The following LIME1 variants were observed in gnomAD, a reference collection of about 807,000 sequenced individuals.
LIME1 encodes the protein Lck interacting transmembrane adaptor 1.
LIME1 carries 23 observed loss-of-function variants against 18.8 expected under a neutral mutation model. That is an observed-to-expected ratio of 1.22 (90% CI 0.88 to 1.73). LIME1 has a LOEUF of 1.73. Ranked by LOEUF, LIME1 falls within the 40% of genes most tolerant of loss-of-function variation. The pLI is 0.00. For missense variants in LIME1, 423 were observed against 396.8 expected (o/e 1.07, Z -0.56); for synonymous variants, 177 against 182.3 (o/e 0.97, Z 0.23).
chr20:63,737,409 G>T, intron 1 of LIME1, 124 bp from the exon 2 acceptor site: 1 of 1,371,344 alleles, frequency 7.3e-7, no homozygotes. Context: ...GGCTTCCTGT[G>T]CTGAGTCAGA....
In LIME1 at chr20:63,737,851, G is replaced by A. The variant is rs1467627736; in HGVS notation, c.129G>A (p.Arg43=). ...RPEDAVAPRK[R]ARRQRARLQG... The stretch of plus-strand genomic sequence containing the variant: ...AGGACGCTGTAGCCCCCAGGAAGAG[G>A]GCGCGGAGGCAGCGGGCGAGGCTGC... Residue 43 remains arginine (R), a synonymous_variant, in exon 3 of 6, where the codon AGG becomes AGA. Coordinates refer to ENST00000309546, the MANE Select transcript of LIME1 (RefSeq NM_017806.4). 1.3e-6 allele frequency: 2 copies of A among 1,559,018 alleles called. No individual in the cohort carries two copies. The highest frequency in any genetic ancestry group is 1.7e-6 in the Non-Finnish European group (2 of 1,160,368).
At position 63,738,943 on chromosome 20, in the gene LIME1, C is replaced by T. The variant is rs1568809648; in HGVS notation, c.*43C>T. 1.4e-6 allele frequency: 2 copies of T among 1,441,676 alleles called. No individual in the cohort carries two copies. Among genetic ancestry groups the T allele is most frequent in the South Asian group, 2.9e-5 (2 of 68,658 alleles). 89.3% of individuals were successfully genotyped at this position (1,441,676 alleles called of 1,614,324 possible). On this transcript the variant is annotated 3_prime_UTR_variant, in exon 6 of 6. Transcript: ENST00000309546. ...CTCCTTCCTCCAGAGTGAGGCCCGTCCCCCGCCCCGCCCCGCCTCACAGCT... is the reference window on the plus strand; with the variant it reads ...CTCCTTCCTCCAGAGTGAGGCCCGTTCCCCGCCCCGCCCCGCCTCACAGCT...
rs1268311706 is a variant in LIME1 at position 63,738,920 on chromosome 20, C to G, written c.*20C>G. The G allele has an allele frequency of 1.3e-6, 2 of 1,532,682 alleles. No individual in the cohort carries two copies. The highest frequency in any genetic ancestry group is 4.1e-5 in the Admixed American group (2 of 48,486). 94.9% of individuals were successfully genotyped at this position (1,532,682 alleles called of 1,614,324 possible). A position where few individuals can be genotyped will look rare whatever the true frequency, so the allele number is the denominator to read the frequency against. On this transcript the variant is annotated 3_prime_UTR_variant, in exon 6 of 6. Coordinates refer to ENST00000309546, the MANE Select transcript of LIME1 (RefSeq NM_017806.4). ...CCCTGAACACTCAAGGACCTGTGCTCCTTCCTCCAGAGTGAGGCCCGTCCC... is the reference window on the plus strand; with the variant it reads ...CCCTGAACACTCAAGGACCTGTGCTGCTTCCTCCAGAGTGAGGCCCGTCCC...
intron 1 of LIME1, 121 bp from the exon 2 acceptor site, chr20:63,737,411 TG>T: frequency 1.5e-6 from 2 of 1,371,278 alleles, no homozygotes; most frequent in Non-Finnish European, 1.9e-6. Context: ...CTTCCTGTGC[TG>T]AGTCAGAGCT....
rs140119464 is a variant in LIME1, at chr20:63,737,612, C to T, written c.63C>T (p.Leu21=). 54 of 1,603,348 alleles carry T rather than the reference C, an allele frequency of 3.4e-5. No individual in the cohort carries two copies. Among genetic ancestry groups the T allele is most frequent in the Non-Finnish European group, 4.2e-5 (49 of 1,176,328 alleles). ...GGGTTCTAGGGTGCTGCGCCCTGCT[C>T]CTCTCGCTGTGGGCGCTGTGCACAG... The part of the protein sequence containing the change: ...ALWVLGCCAL[L]LSLWALCTAC... Residue 21 remains leucine, a synonymous_variant, in exon 2 of 6, where the codon CTC becomes CTT. Coordinates refer to ENST00000309546, the MANE Select transcript of LIME1 (RefSeq NM_017806.4).
chr20:63,738,319 C>T lies in LIME1; in HGVS notation c.405C>T (p.Thr135=), dbSNP rs1375891393. ...GGGCTCTGCCGGCAGCTGCAGCCAC[C>T]GCAGGGTGCGCTGGCCTCGAGGCCA... ...LPRALPAAAA[T]AGCAGLEATY... Residue 135 remains threonine (T), a synonymous_variant, in exon 5 of 6, where the codon ACC becomes ACT. Coordinates refer to ENST00000309546, the MANE Select transcript of LIME1 (RefSeq NM_017806.4). 16 of 1,561,398 alleles carry T rather than the reference C, an allele frequency of 1.0e-5. No individual in the cohort carries two copies. The highest frequency in any genetic ancestry group is 1.4e-5 in the Non-Finnish European group (16 of 1,156,730).
chr20:63,738,272 T>C lies in LIME1; in HGVS notation c.358T>C (p.Phe120Leu). The C allele has an allele frequency of 1.9e-6, 3 of 1,584,504 alleles. No individual in the cohort carries two copies. Among genetic ancestry groups the C allele is most frequent in the Non-Finnish European group, 2.6e-6 (3 of 1,170,064 alleles). Residue 120 changes from phenylalanine to leucine, a missense_variant, in exon 5 of 6, where the codon TTC becomes CTC. Phe to Leu is a conservative substitution (Grantham distance 22). Transcript: ENST00000309546. Reference protein sequence around the residue: ...ITGPQAAPSAFPHQELPRALP... With the variant: ...ITGPQAAPSALPHQELPRALP... ...CGGACCGCAGGCAGCCCCCTCTGCC[T>C]TCCCACACCAGGAGCTGCCCCGGGC...
chr20:63,738,043 G>T lies in LIME1; in HGVS notation c.251G>T (p.Gly84Val). 6.5e-7 allele frequency: 1 copy of T among 1,550,356 alleles called. No homozygotes were observed. Among genetic ancestry groups the T allele is most frequent in the South Asian group, 1.2e-5 (1 of 85,322 alleles). ...SDTRLHELHR[G>V]PRSSRALRPA... ...ACCAGACTGCACGAGCTGCACCGGG[G>T]CCCGCGCAGCAGCAGGGGTGAGCAG... Residue 84 changes from glycine (G) to valine (V), a missense_variant, in exon 4 of 6, where the codon GGC (glycine) becomes GTC (valine). Physicochemically the swap from Gly to Val is moderately radical, Grantham distance 109. Coordinates refer to ENST00000309546, the MANE Select transcript of LIME1 (RefSeq NM_017806.4).
In LIME1 at chr20:63,737,619, C is replaced by A. The variant is rs778967524; in HGVS notation, c.70C>A (p.Leu24Met). 1.2e-6 allele frequency: 2 copies of A among 1,600,276 alleles called. No individual in the cohort carries two copies. The highest frequency in any genetic ancestry group is 1.7e-6 in the Non-Finnish European group (2 of 1,174,886). ...VLGCCALLLS[L>M]WALCTACRRP... is the part of the protein sequence containing the mutation. ...AGGGTGCTGCGCCCTGCTCCTCTCG[C>A]TGTGGGCGCTGTGCACAGCCTGCCG... Residue 24 changes from leucine to methionine, a missense_variant, in exon 2 of 6, where the codon CTG becomes ATG. Transcript: ENST00000309546.
At chr20:63,735,718 A>G, upstream of LIME1, 1 of 1,552,112 alleles carries the variant, frequency 6.4e-7, no homozygotes, top group Non-Finnish European at 8.7e-7. Flanking sequence ...GGCAGTGGGT[A>G]CGGCAGACTG....
In LIME1 at chr20:63,738,265, C is replaced by A. The variant is rs781055457; in HGVS notation, c.351C>A (p.Pro117=). ...ACATCACCGGACCGCAGGCAGCCCCCTCTGCCTTCCCACACCAGGAGCTGC... is the reference window on the plus strand; with the variant it reads ...ACATCACCGGACCGCAGGCAGCCCCATCTGCCTTCCCACACCAGGAGCTGC... The part of the protein sequence containing the change: ...SRDITGPQAA[P]SAFPHQELPR... Residue 117 remains proline (P), a synonymous_variant, in exon 5 of 6, where the codon CCC becomes CCA. Coordinates refer to ENST00000309546, the MANE Select transcript of LIME1 (RefSeq NM_017806.4). 2.5e-6 allele frequency: 4 copies of A among 1,586,384 alleles called. 1 individual carries two copies.
chr20:63,735,769 G>C, upstream of LIME1: 1 of 1,587,780 alleles, frequency 6.3e-7, no homozygotes, highest in Non-Finnish European at 8.6e-7. Flanking sequence ...TGACTAGTGA[G>C]CCCCTCCGCA....
upstream of LIME1, chr20:63,736,425 T>C (rs2091990788): frequency 5.0e-6 from 1 of 198,816 alleles, no homozygotes; most frequent in African/African-American, 2.4e-5. Context: ...GCCCTGTGGG[T>C]TTGGGGGTTC....
intron 1 of LIME1, chr20:63,736,917 T>G (rs1344331853): frequency 1.0e-6 from 1 of 985,562 alleles, no homozygotes; most frequent in East Asian, 1.1e-4. Flanking sequence ...GAAGTTCTGC[T>G]AAGATCCCCA....
chr20:63,737,446 G>T, intron 1 of LIME1, 87 bp from the exon 2 acceptor site: 1 of 1,385,158 alleles, frequency 7.2e-7, no homozygotes, highest in Non-Finnish European at 9.3e-7. Flanking sequence ...CAGGAGCCCC[G>T]CAGCCGCGGG....
chr20:63,737,401 C>A, intron 1 of LIME1, 132 bp from the exon 2 acceptor site: 1 of 1,356,706 alleles, frequency 7.4e-7, no homozygotes, highest in Non-Finnish European at 9.4e-7. Flanking sequence ...GGCCTTGGGG[C>A]TTCCTGTGCT....
At chr20:63,735,961 CG>C, upstream of LIME1, 1 of 1,582,820 alleles carries the variant, frequency 6.3e-7, no homozygotes, top group South Asian at 1.1e-5. Context: ...GACCCCAGCA[CG>C]GGCTGCCCTC....
In LIME1 at chr20:63,736,704, G is replaced by A. The variant is rs983854643; in HGVS notation, c.-26G>A. ...CAGACAGAGCTGAGGACCCCTGGCC[G>A]TGGGCTTGGTAAGTGCCCTCCTGGG... is the stretch of plus-strand genomic sequence containing the variant. On this transcript the variant is annotated 5_prime_UTR_variant, in exon 1 of 6. It adds an upstream start codon to the 5' untranslated region. Transcript: ENST00000309546. 6 of 985,558 alleles carry A rather than the reference G, an allele frequency of 6.1e-6. No individual in the cohort carries two copies. Among genetic ancestry groups the A allele is most frequent in the African/African-American group, 5.2e-5 (3 of 57,224 alleles). The allele number at this position is 985,558 out of a possible 1,614,324, so 61.1% of individuals were successfully genotyped here.
Position 63,738,891 on chromosome 20 carries a change from C to A in LIME1, c.879C>A (p.Ser293=), listed in dbSNP as rs1186421062. 1 of 1,601,326 alleles carries A rather than the reference C, an allele frequency of 6.2e-7. No individual in the cohort carries two copies. The highest frequency in any genetic ancestry group is 8.5e-7 in the Non-Finnish European group (1 of 1,174,652). ...GGGGCTGGAGACCCCTCCCTGCCTC[C>A]CTGCCCTGAACACTCAAGGACCTGT... The part of the protein sequence containing the change: ...LGRGWRPLPA[S]LP Residue 293 remains serine (S), a synonymous_variant, in exon 6 of 6, where the codon TCC becomes TCA. Transcript: ENST00000309546.
Sources: allele counts gnomAD v4.1 joint callset, GRCh38; gene constraint gnomAD v4.1.1; transcripts MANE v1.5; gene names NCBI Gene and HGNC (gene_info 2026-07-23, HGNC 2026-07-21).